Variants in PARP8 observed in about 807,000 individuals in gnomAD.
The protein encoded by PARP8 is protein mono-ADP-ribosyltransferase PARP8.
PARP8 carries 51 observed loss-of-function variants against 124.1 expected under a neutral mutation model. That is an observed-to-expected ratio of 0.41 (90% CI 0.33 to 0.52). The LOEUF is 0.52. Among genes scored for constraint, PARP8 ranks in the 20% least tolerant of loss-of-function variants. The probability of loss-of-function intolerance (pLI) is 0.21; values close to 1 mark genes in which losing one functional copy is unlikely to be tolerated. For missense variants in PARP8, 860 were observed against 1,018.9 expected (o/e 0.84, Z 2.12); for synonymous variants, 391 against 361.5 (o/e 1.08, Z -0.93).
chr5:50,721,698 ACT>A (rs1255194399), intron 2 of PARP8, among the ~76,000 whole-genome samples: 3 of 151,996 alleles, frequency 2.0e-5, no homozygotes, highest in African/African-American at 7.2e-5. Flanking sequence ...CCTTTTGGTA[ACT>A]CTTTATATTT....
At chr5:50,755,984 T>A (rs1469838863) in intron 3 of PARP8, among the ~76,000 whole-genome samples, 1 of 152,106 alleles carries the variant, frequency 6.6e-6, no homozygotes. Context: ...TCTCTGTTTG[T>A]CTGTTATTGG....
Position 50,846,418 on chromosome 5 carries a change from T to C in PARP8, c.*4350T>C, listed in dbSNP as rs1263481330. On this transcript the variant is annotated 3_prime_UTR_variant, in exon 26 of 26. Transcript: ENST00000281631. ...TCTATTCACTTTTTATTGCTCTTGC[T>C]TTCTATTGCTACTAAAGCCTCTTTT... 1 of 151,848 alleles carries C rather than the reference T, an allele frequency of 6.6e-6. No homozygotes were observed. Among genetic ancestry groups the C allele is most frequent in the Non-Finnish European group, 1.5e-5 (1 of 67,846 alleles). The allele number at this position is 151,848 out of a possible 1,614,324, so 9.4% of individuals were successfully genotyped here.
At chr5:50,669,762 C>G (rs1561220810) in intron 2 of PARP8, among the ~76,000 whole-genome samples, 2 of 152,160 alleles carry the variant, frequency 1.3e-5, no homozygotes, top group African/African-American at 4.8e-5. Flanking sequence ...CATGGTTGCT[C>G]TTAAAGTAAG....
chr5:50,793,016 G>T (rs3806887), intron 10 of PARP8, among the ~76,000 whole-genome samples: 2 of 151,872 alleles, frequency 1.3e-5, no homozygotes, highest in Non-Finnish European at 2.9e-5. Context: ...ACCCATATTT[G>T]ATAATATACG....
intron 2 of PARP8, among the ~76,000 whole-genome samples, chr5:50,729,040 A>T (rs1214985391): frequency 6.6e-6 from 1 of 152,166 alleles, no homozygotes; most frequent in African/African-American, 2.4e-5. Context: ...TTTATGGTCC[A>T]GTCTTATGGA....
intron 3 of PARP8, among the ~76,000 whole-genome samples, chr5:50,754,146 T>C (rs201180482): frequency 0.052 from 1,122 of 21,390 alleles, 115 homozygotes; most frequent in South Asian, 0.086. Context: ...TATATATATA[T>C]ATATACACAC....
intron 2 of PARP8, among the ~76,000 whole-genome samples, chr5:50,706,358 G>T (rs1425159830): frequency 1.3e-5 from 2 of 151,796 alleles, no homozygotes; most frequent in African/African-American, 4.8e-5. Context: ...CAGATGGCTG[G>T]TTTTTGGGAT....
chr5:50,738,847 A>G (rs1757740037), intron 2 of PARP8: 1 of 603,214 alleles, frequency 1.7e-6, no homozygotes. Flanking sequence ...GCTTGGCTTA[A>G]ACAGTAAAAA....
At position 50,845,027 on chromosome 5, in the gene PARP8, C is replaced by T. The variant is rs1320335100; in HGVS notation, c.*2959C>T. Reference sequence around the variant, plus strand: ...TTGAAGTTTAATTTTAAAAGTGCCACATTGTAAAAGTTACCGTTAAATACT... The same window carrying T: ...TTGAAGTTTAATTTTAAAAGTGCCATATTGTAAAAGTTACCGTTAAATACT... On this transcript the variant is annotated 3_prime_UTR_variant, in exon 26 of 26. Coordinates refer to ENST00000281631, the MANE Select transcript of PARP8 (RefSeq NM_024615.4). 6.6e-5 allele frequency: 10 copies of T among 150,990 alleles called. No homozygotes were observed. The South Asian group carries it at 1.5e-3, about 22-fold the overall frequency. The allele number at this position is 150,990 out of a possible 1,614,324, so 9.4% of individuals were successfully genotyped here.
At chr5:50,723,708 CAT>C (rs1756136967) in intron 2 of PARP8, among the ~76,000 whole-genome samples, 1 of 151,884 alleles carries the variant, frequency 6.6e-6, no homozygotes, top group Non-Finnish European at 1.5e-5. Context: ...GAAAAGGAAA[CAT>C]AAGAAAAAAG....
chr5:50,804,541 T>C (rs1272014440), intron 14 of PARP8, among the ~76,000 whole-genome samples: 1 of 152,210 alleles, frequency 6.6e-6, no homozygotes, highest in Non-Finnish European at 1.5e-5. Context: ...TATTTCTGCA[T>C]GGCTCTAGTA....
chr5:50,737,215 A>C (rs1757557403), intron 2 of PARP8, among the ~76,000 whole-genome samples: 1 of 152,100 alleles, frequency 6.6e-6, no homozygotes, highest in African/African-American at 2.4e-5. Context: ...GTGTGTAGGC[A>C]TTTATTCCAC....
At chr5:50,739,957 G>A (rs1028249837) in intron 2 of PARP8, among the ~76,000 whole-genome samples, 1 of 151,600 alleles carries the variant, frequency 6.6e-6, no homozygotes, top group Non-Finnish European at 1.5e-5. Context: ...CACCATCTTG[G>A]CCAGGCTGGT....
intron 25 of PARP8, among the ~76,000 whole-genome samples, chr5:50,840,133 A>G (rs1748018139): frequency 6.6e-6 from 1 of 151,464 alleles, no homozygotes. Context: ...AATGTGTTTG[A>G]CATTGTGACT....
At chr5:50,704,258 C>T (rs146199938) in intron 2 of PARP8, among the ~76,000 whole-genome samples, 235 of 152,060 alleles carry the variant, frequency 1.5e-3, no homozygotes, top group African/African-American at 5.4e-3. Flanking sequence ...TATAGATATC[C>T]TCACAATTTT....
chr5:50,815,610 T>C (rs368330612), intron 15 of PARP8, 86 bp downstream of exon 15: 3 of 927,354 alleles, frequency 3.2e-6, no homozygotes, highest in Non-Finnish European at 1.5e-6. Flanking sequence ...TGCTATTCTT[T>C]GGGGAAAATA....
At chr5:50,692,314 T>C (rs375916342) in intron 2 of PARP8, among the ~76,000 whole-genome samples, 6 of 152,194 alleles carry the variant, frequency 3.9e-5, no homozygotes. Context: ...TATATTTTTA[T>C]TTTGCATTGT....
chr5:50,828,881 T>C, intron 21 of PARP8, among the ~76,000 whole-genome samples: 1 of 151,578 alleles, frequency 6.6e-6, no homozygotes, highest in Non-Finnish European at 1.5e-5. Flanking sequence ...ACAGCAAGAC[T>C]GTCTCAACAA....
At chr5:50,725,685 A>G (rs1756352682) in intron 2 of PARP8, among the ~76,000 whole-genome samples, 3 of 152,162 alleles carry the variant, frequency 2.0e-5, no homozygotes, top group African/African-American at 7.2e-5. Flanking sequence ...TTCCATGGCA[A>G]ACGGTTTCCA....
Sources: allele counts gnomAD v4.1 joint callset (sites outside exome capture counted in the v4.1 genomes callset), GRCh38; gene constraint gnomAD v4.1.1; transcripts MANE v1.5; gene names NCBI Gene and HGNC (gene_info 2026-07-23, HGNC 2026-07-21).